PNISR: variants seen among roughly 807,000 people sequenced by gnomAD.
The protein encoded by PNISR is arginine/serine-rich protein PNISR.
A neutral mutation model predicts 93.4 loss-of-function variants in PNISR; 20 were observed. That is an observed-to-expected ratio of 0.21 (90% confidence interval 0.15 to 0.31). PNISR has a LOEUF of 0.31. Ranked by LOEUF, PNISR falls within the 10% of genes least tolerant of loss-of-function variation. PNISR has a pLI of 1.00. For synonymous variants in PNISR, 305 were observed against 306.5 expected, an observed-to-expected ratio of 0.99 and a Z score of 0.05; for missense variants, 893 against 985.4, an observed-to-expected ratio of 0.91 and a Z score of 1.25.
At position 99,410,788 on chromosome 6, in the gene PNISR, G is replaced by A. The variant is rs893202052; in HGVS notation, c.454C>T (p.Pro152Ser). 2.5e-6 allele frequency: 4 copies of A among 1,614,016 alleles called. No homozygotes were observed. The highest frequency in any genetic ancestry group is 3.4e-6 in the Non-Finnish European group (4 of 1,179,976). ...FNQNNHNFGG[P>S]PDNFAVGPVN... ...GGCCCCACTGCAAAATTATCGGGTG[G>A]TCCACCAAAGTTGTGATTGTTCTGG... Residue 152 changes from proline (P) to serine (S), a missense_variant, in exon 5 of 12, where the codon CCA (proline) becomes TCA (serine). By Grantham distance (74) the Pro-to-Ser change is moderately conservative. Around this residue, in one of 3 missense-constraint regions of PNISR, gnomAD observed 866 missense variants for 935.1 expected, o/e 0.93. Transcript: ENST00000369239.
chr6:99,414,788 A>T (rs1308569995), intron 2 of PNISR, 98 bp from the exon 3 acceptor site: 8 of 546,468 alleles, frequency 1.5e-5, no homozygotes, highest in Non-Finnish European at 2.1e-5. Flanking sequence ...TTATTTCATC[A>T]GAGGTCTAAA....
chr6:99,403,684 T>C (rs549843430), intron 10 of PNISR, 145 bp downstream of exon 10: 2 of 499,536 alleles, frequency 4.0e-6, no homozygotes, highest in Non-Finnish European at 7.1e-6. Flanking sequence ...TAGGCAAACC[T>C]TTTTAGACAG....
chr6:99,409,373 T>C, intron 5 of PNISR, 29 bp from the exon 6 acceptor site: 1 of 1,602,294 alleles, frequency 6.2e-7, no homozygotes, highest in South Asian at 1.1e-5. Flanking sequence ...TTATTTTTTC[T>C]TCAAATTAAT....
Position 99,425,084 on chromosome 6 carries a change from G to A in PNISR, c.-112+131C>T, listed in dbSNP as rs1267124162. The A allele has an allele frequency of 1.2e-5, 6 of 482,992 alleles. No homozygotes were observed. The East Asian group carries it at 2.1e-4, about 17-fold the overall frequency. 29.9% of individuals were successfully genotyped at this position (482,992 alleles called of 1,614,324 possible). On this transcript the variant is annotated intron_variant, in intron 1 of 11. Transcript: ENST00000369239. ...TCTGGCGGACCGCAGCGCTTTAAAGGAATGAGGTTCCAGCGGTCGCGCCAA... is the reference window on the plus strand; with the variant it reads ...TCTGGCGGACCGCAGCGCTTTAAAGAAATGAGGTTCCAGCGGTCGCGCCAA...
chr6:99,406,908 G>A (rs1287790649), intron 7 of PNISR, among the ~76,000 whole-genome samples: 1 of 152,090 alleles, frequency 6.6e-6, no homozygotes, highest in Non-Finnish European at 1.5e-5. Flanking sequence ...TGAACCAGGG[G>A]AAAAATATAT....
chr6:99,416,377 T>C lies in PNISR; in HGVS notation c.-60A>G. On this transcript the variant is annotated 5_prime_UTR_variant, in exon 2 of 12. Coordinates refer to ENST00000369239, the MANE Select transcript of PNISR (RefSeq NM_032870.4). ...AGAGGTTCACCTTCTGTTTAAAACT[T>C]AGGTTGATTCAGACTACAGCTTCGA... 3.3e-6 allele frequency: 4 copies of C among 1,218,522 alleles called. No individual in the cohort carries two copies. Among genetic ancestry groups the C allele is most frequent in the Non-Finnish European group, 4.1e-6 (4 of 976,002 alleles). 75.5% of individuals were successfully genotyped at this position (1,218,522 alleles called of 1,614,324 possible).
chr6:99,407,093 G>A (rs1216186199), intron 7 of PNISR, among the ~76,000 whole-genome samples: 2 of 152,116 alleles, frequency 1.3e-5, no homozygotes, highest in Non-Finnish European at 2.9e-5. Flanking sequence ...GCCGAGGTGG[G>A]AGAATCATTT....
At chr6:99,412,139 T>C in intron 4 of PNISR, 2 of 363,018 alleles carry the variant, frequency 5.5e-6, no homozygotes, top group South Asian at 2.1e-5. Context: ...AGGGGCAGAG[T>C]ATATTTGACA....
At chr6:99,416,936 T>G (rs1291928818) in intron 1 of PNISR, among the ~76,000 whole-genome samples, 1 of 152,216 alleles carries the variant, frequency 6.6e-6, no homozygotes, top group Non-Finnish European at 1.5e-5. Context: ...ATTCATCCTT[T>G]TATCTTCAAT....
At chr6:99,407,894 G>C (rs1776358774) in intron 7 of PNISR, among the ~76,000 whole-genome samples, 187 bp downstream of exon 7, 1 of 152,172 alleles carries the variant, frequency 6.6e-6, no homozygotes, top group Non-Finnish European at 1.5e-5. Context: ...TAAACTTGTT[G>C]TCCCATTTTC....
Position 99,425,262 on chromosome 6 carries a change from T to C in PNISR, c.-159A>G. On this transcript the variant is annotated 5_prime_UTR_variant, in exon 1 of 12. Coordinates refer to ENST00000369239, the MANE Select transcript of PNISR (RefSeq NM_032870.4). The stretch of plus-strand genomic sequence containing the variant: ...TTGTCGCCGCCGTTCCGGTAACACC[T>C]CTCCAACGCTTTCGATGCTTCTACT... The C allele has an allele frequency of 8.1e-7, 1 of 1,232,154 alleles. No individual in the cohort carries two copies. The highest frequency in any genetic ancestry group is 1.0e-6 in the Non-Finnish European group (1 of 987,946). The allele number at this position is 1,232,154 out of a possible 1,614,324, so 76.3% of individuals were successfully genotyped here.
chr6:99,410,616 C>A, intron 5 of PNISR, 125 bp downstream of exon 5: 1 of 608,512 alleles, frequency 1.6e-6, no homozygotes, highest in East Asian at 2.8e-5. Context: ...ATAACTGAGA[C>A]AGAATGTGCT....
intron 9 of PNISR, 64 bp from the exon 10 acceptor site, chr6:99,403,946 G>A: frequency 4.3e-6 from 5 of 1,150,980 alleles, no homozygotes; most frequent in Non-Finnish European, 6.5e-6. Context: ...TCATAGTCAT[G>A]AGTCTATGGT....
chr6:99,422,886 A>AAAC, intron 1 of PNISR, among the ~76,000 whole-genome samples: 2 of 151,596 alleles, frequency 1.3e-5, no homozygotes, highest in South Asian at 2.1e-4. Flanking sequence ...CAAAAAAAAA[A>AAAC]AAAAAAAAAA....
intron 1 of PNISR, among the ~76,000 whole-genome samples, chr6:99,418,725 GTT>G (rs769657557): frequency 6.6e-6 from 1 of 152,208 alleles, no homozygotes; most frequent in Non-Finnish European, 1.5e-5. Context: ...GTGATGGTAA[GTT>G]AAGGAAGTTA....
rs1363473791 is a variant in PNISR at position 99,399,359 on chromosome 6, A to T, written c.*1181T>A. On this transcript the variant is annotated 3_prime_UTR_variant, in exon 12 of 12. Transcript: ENST00000369239. ...CACTAATCATAATTTTAAGAAACGG[A>T]CAAAATCAGACAATTTTAATGTCAG... 1 of 152,134 alleles carries T rather than the reference A, an allele frequency of 6.6e-6. No individual in the cohort carries two copies. The highest frequency in any genetic ancestry group is 2.4e-5 in the African/African-American group (1 of 41,460). 9.4% of individuals were successfully genotyped at this position (152,134 alleles called of 1,614,324 possible). A position where few individuals can be genotyped will look rare whatever the true frequency, so the allele number is the denominator to read the frequency against.
At chr6:99,420,483 G>C (rs763932288) in intron 1 of PNISR, among the ~76,000 whole-genome samples, 2 of 152,158 alleles carry the variant, frequency 1.3e-5, no homozygotes, top group African/African-American at 2.4e-5. Context: ...TAAACAGTAA[G>C]ATTACTAGTG....
Position 99,401,270 on chromosome 6 carries a change from G to T in PNISR, c.1688C>A (p.Ser563Tyr). Reference protein sequence around the residue: ...KRKKRHSRSRSPTIKARRSRS... With the variant: ...KRKKRHSRSRYPTIKARRSRS... ...GCTACGTCTAGCTTTGATTGTTGGA[G>T]ATCTACTCCTACTGTGTCTCTTTTT... The change falls in exon 12 of 12, where the codon TCT becomes TAT. Residue 563 changes from serine (S) to tyrosine (Y), a missense_variant. Ser to Tyr is a moderately radical substitution (Grantham distance 144). Around this residue, in one of 3 missense-constraint regions of PNISR, gnomAD observed 866 missense variants for 935.1 expected, o/e 0.93. Transcript: ENST00000369239. 6.2e-7 allele frequency: 1 copy of T among 1,614,038 alleles called. No individual in the cohort carries two copies. The highest frequency in any genetic ancestry group is 8.5e-7 in the Non-Finnish European group (1 of 1,179,978).
rs1331755365 is a variant in PNISR, at chr6:99,414,720, T to C, written c.-31-30A>G. On this transcript the variant is annotated intron_variant, in intron 2 of 11. Coordinates refer to ENST00000369239, the MANE Select transcript of PNISR (RefSeq NM_032870.4). The stretch of plus-strand genomic sequence containing the variant: ...AATAAATTAAACATAGTTTAAAAAT[T>C]ATAGTGAGTTATTTAATCTTAAAAC... 9.4e-6 allele frequency: 9 copies of C among 952,818 alleles called. No homozygotes were observed. The East Asian group carries it at 2.5e-4, about 26-fold the overall frequency. 59.0% of individuals were successfully genotyped at this position (952,818 alleles called of 1,614,324 possible).
Sources: allele counts gnomAD v4.1 joint callset (sites outside exome capture counted in the v4.1 genomes callset), GRCh38; gene constraint gnomAD v4.1.1; regional missense constraint gnomAD v4.1.1; transcripts MANE v1.5; gene names NCBI Gene and HGNC (gene_info 2026-07-23, HGNC 2026-07-21).